The following ACBD6 variants were observed in gnomAD, a reference collection of about 807,000 sequenced individuals.
The protein encoded by ACBD6 is acyl-CoA-binding domain-containing protein 6.
In ACBD6, 28 loss-of-function variants were observed where a neutral mutation model predicts 37.2. The ratio of observed to expected loss-of-function variants is 0.75; its 90% confidence interval spans 0.56 to 1.03. The LOEUF is 1.03. Among genes scored for constraint, ACBD6 ranks in the 50% least tolerant of loss-of-function variants. ACBD6 has a pLI of 0.00. For synonymous variants in ACBD6, 113 were observed against 126.8 expected, an observed-to-expected ratio of 0.89 and a Z score of 0.73; for missense variants, 340 against 337.4, an observed-to-expected ratio of 1.01 and a Z score of -0.06.
chr1:180,399,513 C>G (rs567396306), intron 5 of ACBD6, among the ~76,000 whole-genome samples: 5 of 152,322 alleles, frequency 3.3e-5, no homozygotes, highest in African/African-American at 1.2e-4. Context: ...TGTGATCCAC[C>G]TGCCTTGGCC....
chr1:180,275,486 G>C (rs992201734), intron 9 of ACBD6: 1 of 152,236 alleles, frequency 6.6e-6, no homozygotes, highest in Admixed American at 6.5e-5. Context: ...CAAACCTGCA[G>C]TCTGTTCAGC....
intron 3 of ACBD6, among the ~76,000 whole-genome samples, chr1:180,474,917 T>A (rs145674450): frequency 3.9e-5 from 6 of 152,376 alleles, no homozygotes; most frequent in African/African-American, 9.6e-5. Flanking sequence ...ATTTTCTACA[T>A]GTCCCTTTCA....
At chr1:180,434,336 T>C (rs1648934492) in intron 3 of ACBD6, among the ~76,000 whole-genome samples, 2 of 152,200 alleles carry the variant, frequency 1.3e-5, no homozygotes, top group African/African-American at 2.4e-5. Flanking sequence ...TATCCCAAAA[T>C]ATATTTGACA....
intron 6 of ACBD6, among the ~76,000 whole-genome samples, chr1:180,364,736 C>CTTTTT (rs10646954): frequency 0.021 from 2,940 of 140,846 alleles, 52 homozygotes; most frequent in South Asian, 0.033. Flanking sequence ...TCCTTTCTAT[C>CTTTTT]TTTTTTTTTT....
At chr1:180,278,837 A>AG (rs1649203201) in intron 9 of ACBD6, 1 of 149,574 alleles carries the variant, frequency 6.7e-6, no homozygotes, top group Admixed American at 6.6e-5. Context: ...AAAGAAAAAA[A>AG]GAAAAAAAAA....
intron 3 of ACBD6, among the ~76,000 whole-genome samples, chr1:180,476,448 A>G (rs999274376): frequency 6.6e-6 from 1 of 152,346 alleles, no homozygotes; most frequent in African/African-American, 2.4e-5. Flanking sequence ...TTGCCTATGC[A>G]CACATATAGG....
intron 3 of ACBD6, among the ~76,000 whole-genome samples, chr1:180,467,640 CCT>C (rs997768560): frequency 5.9e-5 from 9 of 151,672 alleles, no homozygotes; most frequent in Non-Finnish European, 1.2e-4. Flanking sequence ...ACAGCAAGAC[CCT>C]GTCTCTAAAA....
intron 3 of ACBD6, among the ~76,000 whole-genome samples, chr1:180,445,096 T>C (rs1047901204): frequency 6.6e-6 from 1 of 152,226 alleles, no homozygotes; most frequent in African/African-American, 2.4e-5. Flanking sequence ...ATGGGAATAA[T>C]AGTACCTATT....
intron 3 of ACBD6, among the ~76,000 whole-genome samples, chr1:180,458,629 T>A (rs919853951): frequency 1.3e-5 from 2 of 151,938 alleles, no homozygotes; most frequent in African/African-American, 4.8e-5. Context: ...GTAGGAACAG[T>A]AATAAAGGCA....
chr1:180,367,360 C>T (rs74132476), intron 6 of ACBD6, among the ~76,000 whole-genome samples: 11,032 of 152,110 alleles, frequency 0.073, 1,184 homozygotes, highest in African/African-American at 0.23. Flanking sequence ...CCCTTCTATC[C>T]GAGGGGGATA....
chr1:180,274,020 C>G (rs1648860896), exon 11 of ACBD6: 7 of 774,056 alleles, frequency 9.0e-6, no homozygotes, highest in Non-Finnish European at 1.5e-5. Flanking sequence ...GGGTTGGCCT[C>G]TGGATATCAG....
rs147568085 is a variant in ACBD6 at position 180,473,935 on chromosome 1, C to T, written c.384+18334G>A. On this transcript the variant is annotated intron_variant, in intron 3 of 7. Coordinates refer to ENST00000367595, the MANE Select transcript of ACBD6 (RefSeq NM_032360.4). ...ACCTTTTACTTGTACTAAAAAGTAACGTCCATATTAACACCTGTATATATA... is the reference window on the plus strand; with the variant it reads ...ACCTTTTACTTGTACTAAAAAGTAATGTCCATATTAACACCTGTATATATA... 5.1e-3 allele frequency among the ~76,000 whole-genome samples: 781 copies of T among 152,194 alleles called. 5 individuals carry two copies. The highest frequency in any genetic ancestry group is 0.018 in the African/African-American group (737 of 41,532).
chr1:180,356,573 G>A (rs1299005453), intron 6 of ACBD6, among the ~76,000 whole-genome samples: 3 of 151,944 alleles, frequency 2.0e-5, no homozygotes, highest in Non-Finnish European at 4.4e-5. Flanking sequence ...TTGGCTGGGC[G>A]TGCTGGTTTC....
chr1:180,278,975 A>C (rs1248995830), intron 9 of ACBD6: 2 of 152,198 alleles, frequency 1.3e-5, no homozygotes, highest in African/African-American at 4.8e-5. Context: ...AAATATGGAA[A>C]TTCTTTAGAT....
intron 6 of ACBD6, among the ~76,000 whole-genome samples, chr1:180,357,374 C>A (rs117220184): frequency 1.3e-5 from 2 of 152,104 alleles, no homozygotes; most frequent in Admixed American, 1.3e-4. Flanking sequence ...AGTAAAGAAA[C>A]GGTAAGTCTT....
At chr1:180,376,618 T>A (rs551702413) in intron 6 of ACBD6, among the ~76,000 whole-genome samples, 1 of 151,880 alleles carries the variant, frequency 6.6e-6, no homozygotes, top group Non-Finnish European at 1.5e-5. Flanking sequence ...AAATGGGATA[T>A]GAAAATGTGC....
chr1:180,459,449 C>T (rs370294409), intron 3 of ACBD6, among the ~76,000 whole-genome samples: 121 of 152,324 alleles, frequency 7.9e-4, no homozygotes, highest in African/African-American at 2.8e-3. Context: ...CTGCAACTCA[C>T]ACACACCTAA....
At chr1:180,443,899 A>G (rs1649383885) in intron 3 of ACBD6, among the ~76,000 whole-genome samples, 1 of 151,388 alleles carries the variant, frequency 6.6e-6, no homozygotes, top group Non-Finnish European at 1.5e-5. Context: ...CTGGGATTAT[A>G]GGTGTGAGCC....
At chr1:180,453,999 T>A (rs1297439125) in intron 3 of ACBD6, among the ~76,000 whole-genome samples, 1 of 152,206 alleles carries the variant, frequency 6.6e-6, no homozygotes, top group East Asian at 1.9e-4. Flanking sequence ...ACCATTGACT[T>A]TCTTCAAAGA....
Sources: allele counts gnomAD v4.1 joint callset (sites outside exome capture counted in the v4.1 genomes callset), GRCh38; gene constraint gnomAD v4.1.1; transcripts MANE v1.5; gene names NCBI Gene and HGNC (gene_info 2026-07-23, HGNC 2026-07-21).